Variants in PRDM10 observed in about 807,000 individuals in gnomAD.
The protein encoded by PRDM10 is PR domain zinc finger protein 10.
PRDM10 carries 65 observed loss-of-function variants against 133.1 expected under a neutral mutation model. The observed-to-expected ratio is 0.49, with a 90% confidence interval of 0.40 to 0.60. The LOEUF (loss-of-function observed/expected upper bound fraction) is 0.60, where lower values mean the gene tolerates loss of function less well. Among genes scored for constraint, PRDM10 ranks in the 20% least tolerant of loss-of-function variants. The pLI is 0.00. For synonymous variants in PRDM10, 582 were observed against 580.4 expected, an observed-to-expected ratio of 1.00 and a Z score of -0.04; for missense variants, 1,137 against 1,507.1, an observed-to-expected ratio of 0.75 and a Z score of 4.07.
At chr11:129,933,434 G>C (rs1013625655) in intron 9 of PRDM10, among the ~76,000 whole-genome samples, 26 of 152,150 alleles carry the variant, frequency 1.7e-4, no homozygotes, top group Admixed American at 1.3e-3. Flanking sequence ...TTCATCTCTA[G>C]ATATCTTGGC....
Position 129,945,476 on chromosome 11 carries a change from G to A in PRDM10, c.521-464C>T, listed in dbSNP as rs561133394. 1.4e-4 allele frequency among the ~76,000 whole-genome samples: 22 copies of A among 152,322 alleles called. No homozygotes were observed. The South Asian group carries it at 4.1e-3, about 29-fold the overall frequency. Reference sequence around the variant, plus strand: ...TATTGAATCAATTTTCTCAAAGGGAGTTACAGAAGTCTTATATCTCAGCCT... The same window carrying A: ...TATTGAATCAATTTTCTCAAAGGGAATTACAGAAGTCTTATATCTCAGCCT... On this transcript the variant is annotated intron_variant, in intron 5 of 20. Transcript: ENST00000360871. The surrounding 1 kb of genome is among the most constrained non-coding windows in gnomAD (Gnocchi z 4.2).
intron 1 of PRDM10, among the ~76,000 whole-genome samples, chr11:129,994,691 G>A (rs981848343): frequency 2.6e-5 from 4 of 151,620 alleles, no homozygotes; most frequent in African/African-American, 4.9e-5. Flanking sequence ...TCGCTCTGAC[G>A]CCCAGGCTGG....
At chr11:129,961,750 C>T (rs1366393782) in intron 1 of PRDM10, among the ~76,000 whole-genome samples, 1 of 151,926 alleles carries the variant, frequency 6.6e-6, no homozygotes, top group African/African-American at 2.4e-5. Context: ...TGCATGCTTG[C>T]TATGTTCTAA....
chr11:129,984,627 C>G (rs568907688), intron 1 of PRDM10, among the ~76,000 whole-genome samples: 1 of 152,316 alleles, frequency 6.6e-6, no homozygotes, highest in African/African-American at 2.4e-5. Flanking sequence ...CCTCCCTGAC[C>G]TCACATGGCA....
At chr11:129,972,063 G>A (rs1181980903) in intron 1 of PRDM10, among the ~76,000 whole-genome samples, 2 of 152,254 alleles carry the variant, frequency 1.3e-5, no homozygotes, top group African/African-American at 4.8e-5. Flanking sequence ...CCACTGGCCC[G>A]GGTGCTAAGC....
chr11:129,950,791 A>G lies in PRDM10; in HGVS notation c.295-3421T>C, dbSNP rs112092912. Reference sequence around the variant, plus strand: ...CTGCAGAGCCAACCTGAAAGAATGAATTCAGCAATTCAGTTATTCTAGTAA... The same window carrying G: ...CTGCAGAGCCAACCTGAAAGAATGAGTTCAGCAATTCAGTTATTCTAGTAA... On this transcript the variant is annotated intron_variant, in intron 4 of 20. Transcript: ENST00000360871. Among the ~76,000 whole-genome samples, 806 of 152,282 alleles carry G rather than the reference A, an allele frequency of 5.3e-3. 9 individuals are homozygous for G. Among genetic ancestry groups the G allele is most frequent in the African/African-American group, 0.017 (727 of 41,566 alleles).
rs1565486231 is a variant in PRDM10 at position 129,945,360 on chromosome 11, A to T, written c.521-348T>A. 2.0e-5 allele frequency among the ~76,000 whole-genome samples: 3 copies of T among 152,200 alleles called. No individual in the cohort carries two copies. On this transcript the variant is annotated intron_variant, in intron 5 of 20. Coordinates refer to ENST00000360871, the MANE Select transcript of PRDM10 (RefSeq NM_199437.2). The surrounding 1 kb of genome is among the most constrained non-coding windows in gnomAD (Gnocchi z 4.2). Reference sequence around the variant, plus strand: ...AAGAGCGTATCAGGCTAAATGTTGCACTATCTGATGAGACAAAATAGGTGA... The same window carrying T: ...AAGAGCGTATCAGGCTAAATGTTGCTCTATCTGATGAGACAAAATAGGTGA...
chr11:129,915,146 C>T (rs1207494572), intron 16 of PRDM10, 128 bp from the exon 17 acceptor site: 1 of 921,702 alleles, frequency 1.1e-6, no homozygotes, highest in Admixed American at 2.9e-5. Context: ...CAGAGCAACA[C>T]TGACTCTATG....
At chr11:129,926,837 G>T (rs187123376) in intron 11 of PRDM10, among the ~76,000 whole-genome samples, 8 of 152,308 alleles carry the variant, frequency 5.3e-5, no homozygotes, top group Admixed American at 5.2e-4. Context: ...GAGAATCAGT[G>T]AAATATATTT....
chr11:129,969,602 T>TG (rs753911115), intron 1 of PRDM10, among the ~76,000 whole-genome samples: 9 of 148,106 alleles, frequency 6.1e-5, no homozygotes, highest in Non-Finnish European at 1.3e-4. Context: ...GAGACCAGCC[T>TG]GGCCAACATA....
At chr11:129,951,720 G>C (rs1323854465) in intron 4 of PRDM10, among the ~76,000 whole-genome samples, 2 of 152,096 alleles carry the variant, frequency 1.3e-5, no homozygotes, top group Non-Finnish European at 2.9e-5. Flanking sequence ...TTCCTACTGA[G>C]ACCAATTATC....
At chr11:129,920,783 C>T (rs1950501983) in intron 13 of PRDM10, among the ~76,000 whole-genome samples, 1 of 151,944 alleles carries the variant, frequency 6.6e-6, no homozygotes, top group South Asian at 2.1e-4. Context: ...TCCCCTATAC[C>T]CCAAATCAGT....
Position 129,925,123 on chromosome 11 carries a change from C to T in PRDM10, c.1637G>A (p.Arg546His), listed in dbSNP as rs755895229. 5 of 1,614,202 alleles carry T rather than the reference C, an allele frequency of 3.1e-6. No homozygotes were observed. Among genetic ancestry groups the T allele is most frequent in the African/African-American group, 2.7e-5 (2 of 75,046 alleles). The change falls in exon 12 of 21, where the codon CGC becomes CAC. Residue 546 changes from arginine (R) to histidine (H), a missense_variant. Transcript: ENST00000360871. The stretch of plus-strand genomic sequence containing the variant: ...GCAGTTCCCCTCCCGCCCATGGAAG[C>T]GTAAGTGCTGGTCCAGTTTGTCCTT... ...REKDKLDQHL[R>H]FHGREGNCPL...
At chr11:129,988,717 C>T (rs1290047321) in intron 1 of PRDM10, among the ~76,000 whole-genome samples, 1 of 152,034 alleles carries the variant, frequency 6.6e-6, no homozygotes, top group Non-Finnish European at 1.5e-5. Context: ...GCAAGCTCTG[C>T]CTCCCAGGTT....
chr11:129,934,071 C>T (rs558884645), intron 9 of PRDM10, among the ~76,000 whole-genome samples: 1 of 152,336 alleles, frequency 6.6e-6, no homozygotes, highest in Non-Finnish European at 1.5e-5. Context: ...ACTGGAACCA[C>T]TCCCTCGTGC....
intron 1 of PRDM10, among the ~76,000 whole-genome samples, chr11:129,968,785 C>T (rs902221715): frequency 6.6e-6 from 1 of 152,188 alleles, no homozygotes; most frequent in African/African-American, 2.4e-5. Flanking sequence ...GCCCTACCCA[C>T]TCACCATCCC....
At chr11:129,983,681 G>A (rs1357622784) in intron 1 of PRDM10, among the ~76,000 whole-genome samples, 1 of 152,192 alleles carries the variant, frequency 6.6e-6, no homozygotes, top group African/African-American at 2.4e-5. Flanking sequence ...TTAGCTTAGT[G>A]TATACAGGAG....
chr11:129,912,963 G>T (rs1950236516), intron 17 of PRDM10, among the ~76,000 whole-genome samples: 1 of 151,738 alleles, frequency 6.6e-6, no homozygotes, highest in African/African-American at 2.4e-5. Context: ...AGGAGGCTAA[G>T]GCAGAAGAAT....
intron 11 of PRDM10, among the ~76,000 whole-genome samples, chr11:129,927,342 T>C (rs1010689412): frequency 6.6e-6 from 1 of 152,206 alleles, no homozygotes; most frequent in African/African-American, 2.4e-5. Flanking sequence ...TTGTCCACTT[T>C]CAAAACTTTA....
Sources: gnomAD v4.1 joint callset for allele counts (sites outside exome capture counted in the v4.1 genomes callset) on GRCh38, gnomAD v4.1.1 for gene constraint, Gnocchi (gnomAD v3.1) non-coding constraint, MANE v1.5 for transcripts, NCBI Gene and HGNC (gene_info 2026-07-23, HGNC 2026-07-21) for gene names.